The following PPP2R5B variants were observed in gnomAD, a reference collection of about 807,000 sequenced individuals.
PPP2R5B encodes serine/threonine-protein phosphatase 2A 56 kDa regulatory subunit beta isoform.
In PPP2R5B, 19 loss-of-function variants were observed where a neutral mutation model predicts 59.9. That is an observed-to-expected ratio of 0.32 (90% CI 0.22 to 0.47). The LOEUF (loss-of-function observed/expected upper bound fraction) is 0.47. Among genes scored for constraint, PPP2R5B ranks in the 20% least tolerant of loss-of-function variants. The pLI is 1.00. For synonymous variants in PPP2R5B, 286 were observed against 260.5 expected (o/e 1.10, Z -0.94); for missense variants, 441 against 640.2 (o/e 0.69, Z 3.36).
chr11:64,931,701 T>A lies in PPP2R5B; in HGVS notation c.997-48T>A. The A allele has an allele frequency of 6.2e-7, 1 of 1,613,800 alleles. No individual in the cohort carries two copies. Among genetic ancestry groups the A allele is most frequent in the Non-Finnish European group, 8.5e-7 (1 of 1,179,854 alleles). On this transcript the variant is annotated intron_variant, in intron 10 of 13. Coordinates refer to ENST00000164133, the MANE Select transcript of PPP2R5B (RefSeq NM_006244.4). The surrounding 1 kb of genome is among the most constrained non-coding windows in gnomAD (Gnocchi z 5.0). ...AGGTGTGTGTATGTGTAGGGGGAGATGTGAGCTGCTGCCCCTCTGTCCCTA... is the reference window on the plus strand; with the variant it reads ...AGGTGTGTGTATGTGTAGGGGGAGAAGTGAGCTGCTGCCCCTCTGTCCCTA...
rs1240928405 is a variant in PPP2R5B, at chr11:64,934,013, TG to T, written c.*171del. 3.7e-6 allele frequency: 3 copies of T among 817,286 alleles called. No homozygotes were observed. The East Asian group carries it at 9.4e-5, about 26-fold the overall frequency. The allele number at this position is 817,286 out of a possible 1,614,324, so 50.6% of individuals were successfully genotyped here. A position where few individuals can be genotyped will look rare whatever the true frequency, so the allele number is the denominator to read the frequency against. ...ACTGGGGGGAGACGAGGAGAGGCAA[TG>T]GTGGTCTTGGCAACAGAATGCTCAG... On this transcript the variant is annotated 3_prime_UTR_variant, in exon 14 of 14. Transcript: ENST00000164133.
At chr11:64,924,151 G>T (rs1182726230), upstream of PPP2R5B, 4 of 152,244 alleles carry the variant, frequency 2.6e-5, no homozygotes, top group East Asian at 7.7e-4. Context: ...GACGGGAGGG[G>T]GACTGCAGGC....
Position 64,928,322 on chromosome 11 carries a change from C to T in PPP2R5B, c.619C>T (p.Pro207Ser). 6.2e-7 allele frequency: 1 copy of T among 1,614,076 alleles called. No individual in the cohort carries two copies. Among genetic ancestry groups the T allele is most frequent in the Non-Finnish European group, 8.5e-7 (1 of 1,179,986 alleles). Residue 207 changes from proline to serine, a missense_variant, in exon 6 of 14, where the codon CCC becomes TCC. Pro to Ser is a moderately conservative substitution (Grantham distance 74). Transcript: ENST00000164133. ...CCTGGAGCTATTTGATAGTGAGGAT[C>T]CCCGGGAGCGTGAGTACCTCAAGAC... The part of the protein sequence containing the change: ...MLLELFDSED[P>S]REREYLKTIL...
At chr11:64,923,562 C>T (rs982834363), upstream of PPP2R5B, among the ~76,000 whole-genome samples, 3 of 152,160 alleles carry the variant, frequency 2.0e-5, no homozygotes, top group African/African-American at 7.2e-5. Flanking sequence ...AGGCCTCTGC[C>T]TTCTGTTGCT....
chr11:64,933,818 G>A lies in PPP2R5B; in HGVS notation c.1468G>A (p.Val490Met). Residue 490 changes from valine (V) to methionine (M), a missense_variant, in exon 14 of 14, where the codon GTG becomes ATG. This residue lies in a region of PPP2R5B where 70 missense variants were observed against 64.2 expected (regional missense o/e 1.09). Coordinates refer to ENST00000164133, the MANE Select transcript of PPP2R5B (RefSeq NM_006244.4). ...CCCCCTCCAGCGGCTTACACCCCAG[G>A]TGGCCGCCAGTGGGGGTCAGAGCTA... ...EAPLQRLTPQ[V>M]AASGGQS 6.5e-7 allele frequency: 1 copy of A among 1,548,498 alleles called. No homozygotes were observed. The highest frequency in any genetic ancestry group is 8.7e-7 in the Non-Finnish European group (1 of 1,146,546).
chr11:64,932,687 G>A, intron 11 of PPP2R5B, 78 bp from the exon 12 acceptor site: 2 of 1,553,560 alleles, frequency 1.3e-6, no homozygotes, highest in Non-Finnish European at 1.7e-6. Context: ...TGGGCGTTGA[G>A]GTAGTGATGG....
At chr11:64,927,989 T>G in intron 4 of PPP2R5B, 77 bp from the exon 5 acceptor site, 1 of 1,569,912 alleles carries the variant, frequency 6.4e-7, no homozygotes, top group Non-Finnish European at 8.8e-7. Context: ...CCTAGACAGT[T>G]GGATGAGGGC....
intron 11 of PPP2R5B, among the ~76,000 whole-genome samples, chr11:64,932,278 G>A (rs1049195646): frequency 6.6e-6 from 1 of 152,144 alleles, no homozygotes; most frequent in African/African-American, 2.4e-5. Flanking sequence ...GATGCAGCCA[G>A]GCTTCCCCGC....
intron 1 of PPP2R5B, among the ~76,000 whole-genome samples, chr11:64,919,424 G>C (rs568568628): frequency 6.6e-6 from 1 of 151,746 alleles, no homozygotes; most frequent in Non-Finnish European, 1.5e-5. Flanking sequence ...GCAGTACTGT[G>C]CTCACCAACT....
rs1945151673 is a variant in PPP2R5B at position 64,925,615 on chromosome 11, C to G, written c.-120C>G. On this transcript the variant is annotated 5_prime_UTR_variant, in exon 2 of 14. Coordinates refer to ENST00000164133, the MANE Select transcript of PPP2R5B (RefSeq NM_006244.4). This position sits in a 1 kb window ranked among gnomAD's most constrained non-coding sequence, Gnocchi z 4.6. The stretch of plus-strand genomic sequence containing the variant: ...GGGGGGGCCCAGGACTGTGGTTGTG[C>G]CCCCCCCCCAAAGGCCGGACAGGAT... 111 of 297,288 alleles carry G rather than the reference C, an allele frequency of 3.7e-4. No homozygotes were observed. Among genetic ancestry groups the G allele is most frequent in the East Asian group, 8.6e-4 (9 of 10,422 alleles). 18.4% of individuals were successfully genotyped at this position (297,288 alleles called of 1,614,324 possible).
rs767439519 is a variant in PPP2R5B, at chr11:64,925,620, C to CCG, written c.-114_-113insGC. ...GGCCCAGGACTGTGGTTGTGCCCCC[C>CCG]CCCCAAAGGCCGGACAGGATGGGAC... On this transcript the variant is annotated 5_prime_UTR_variant, in exon 2 of 14. Transcript: ENST00000164133. This position sits in a 1 kb window ranked among gnomAD's most constrained non-coding sequence, Gnocchi z 4.6. 13 of 551,438 alleles carry CCG rather than the reference C, an allele frequency of 2.4e-5. No homozygotes were observed. The highest frequency in any genetic ancestry group is 3.9e-5 in the African/African-American group (2 of 51,436). The allele number at this position is 551,438 out of a possible 1,614,324, so 34.2% of individuals were successfully genotyped here.
Position 64,932,885 on chromosome 11 carries a change from T to C in PPP2R5B, c.1237T>C (p.Trp413Arg). Residue 413 changes from tryptophan (W) to arginine (R), a missense_variant, in exon 12 of 14, where the codon TGG (tryptophan) becomes CGG (arginine). Coordinates refer to ENST00000164133, the MANE Select transcript of PPP2R5B (RefSeq NM_006244.4). ...GTLYQVSKEH[W>R]NQTIVSLIYN... The stretch of plus-strand genomic sequence containing the variant: ...CCTCTACCAAGTCTCCAAGGAGCAC[T>C]GGAACCAGTGAGTGCCAGGCCATGA... 1 of 1,614,040 alleles carries C rather than the reference T, an allele frequency of 6.2e-7. No homozygotes were observed. Among genetic ancestry groups the C allele is most frequent in the Non-Finnish European group, 8.5e-7 (1 of 1,179,962 alleles).
rs779086099 is a variant in PPP2R5B, at chr11:64,933,809, ACAC to A, written c.1461_1463del (p.Pro488del). On this transcript the variant is annotated inframe_deletion, in exon 14 of 14. Transcript: ENST00000164133. The stretch of plus-strand genomic sequence containing the variant: ...CAAGGAGGCCCCCCTCCAGCGGCTT[ACAC>A]CCCAGGTGGCCGCCAGTGGGGGTCA... 33 of 1,551,774 alleles carry A rather than the reference ACAC, an allele frequency of 2.1e-5. No individual in the cohort carries two copies. In the Admixed American group the frequency reaches 4.0e-4, roughly 19 times the overall value.
In PPP2R5B at chr11:64,930,583, T is replaced by C. The variant is rs1352563735; in HGVS notation, c.885T>C (p.His295=). The C allele has an allele frequency of 6.2e-7, 1 of 1,613,780 alleles. No homozygotes were observed. Among genetic ancestry groups the C allele is most frequent in the Non-Finnish European group, 8.5e-7 (1 of 1,179,640 alleles). ...LHSVKSLSVF[H]AQLAYCVVQF... ...CTGTCAAGTCGCTGTCTGTCTTCCATGCCCAGGTGAGGCCCAGGCCTGTCC... is the reference window on the plus strand; with the variant it reads ...CTGTCAAGTCGCTGTCTGTCTTCCACGCCCAGGTGAGGCCCAGGCCTGTCC... The change falls in exon 8 of 14, where the codon CAT becomes CAC. Residue 295 remains histidine (H), a synonymous_variant. Transcript: ENST00000164133.
intron 11 of PPP2R5B, among the ~76,000 whole-genome samples, chr11:64,932,098 G>A (rs1241425321): frequency 1.3e-5 from 2 of 152,172 alleles, no homozygotes; most frequent in Admixed American, 6.5e-5. Context: ...TTAAGCTTCC[G>A]CAGCTGTAAA....
At chr11:64,927,043 C>CG in intron 3 of PPP2R5B, 135 bp downstream of exon 3, 1 of 1,046,492 alleles carries the variant, frequency 9.6e-7, no homozygotes, top group South Asian at 1.6e-5. Context: ...TCCTTCCCCC[C>CG]GACCTGCTGC....
chr11:64,917,949 T>C (rs1945055712), intron 1 of PPP2R5B, among the ~76,000 whole-genome samples: 1 of 152,216 alleles, frequency 6.6e-6, no homozygotes, highest in Non-Finnish European at 1.5e-5. Context: ...TTCATATCTC[T>C]AGTCCTAAAA....
At chr11:64,920,517 C>T (rs929032910), upstream of PPP2R5B, among the ~76,000 whole-genome samples, 25 of 151,994 alleles carry the variant, frequency 1.6e-4, no homozygotes, top group Admixed American at 1.6e-3. Flanking sequence ...AAGGAGTGAG[C>T]AAAAAATCCT....
At chr11:64,930,410 T>C (rs1339427765) in intron 7 of PPP2R5B, 29 bp downstream of exon 7, 1 of 1,613,656 alleles carries the variant, frequency 6.2e-7, no homozygotes, top group African/African-American at 1.3e-5. Context: ...CAGCTGGAGC[T>C]CAGGATTCTG....
Sources: gnomAD v4.1 joint callset for allele counts (sites outside exome capture counted in the v4.1 genomes callset) on GRCh38, gnomAD v4.1.1 for gene constraint, gnomAD v4.1.1 regional missense constraint, Gnocchi (gnomAD v3.1) non-coding constraint, MANE v1.5 for transcripts, NCBI Gene and HGNC (gene_info 2026-07-23, HGNC 2026-07-21) for gene names.